PRICKLE4: variants seen among roughly 807,000 people sequenced by gnomAD.
The protein encoded by PRICKLE4 is prickle-like protein 4.
Under a neutral mutation model 43.5 loss-of-function variants are expected in PRICKLE4, and 40 were observed. That is an observed-to-expected ratio of 0.92 (90% CI 0.71 to 1.20). The LOEUF is 1.20. PRICKLE4 is among the 50% of genes most tolerant of loss of function. The pLI is 0.00. For missense variants in PRICKLE4, 527 were observed against 491.2 expected (o/e 1.07, Z -0.69); for synonymous variants, 208 against 197.4 (o/e 1.05, Z -0.45).
rs146046641 is a variant in PRICKLE4 at position 41,787,093 on chromosome 6, C to T, written c.1119C>T (p.Asp373=). Residue 373 remains aspartate (D), a synonymous_variant, in exon 8 of 8, where the codon GAC becomes GAT. Coordinates refer to ENST00000458694, the MANE Select transcript of PRICKLE4 (RefSeq NM_013397.6). ...WKTPGSLQAE[D]SNASKTHCTM... is the part of the protein sequence containing the mutation. ...CCCCCGGAAGCCTCCAAGCAGAGGA[C>T]AGCAACGCCTCTAAGACGCACTGCA... 6.2e-7 allele frequency: 1 copy of T among 1,611,152 alleles called. No individual in the cohort carries two copies. Among genetic ancestry groups the T allele is most frequent in the African/African-American group, 1.3e-5 (1 of 75,024 alleles).
chr6:41,786,581 G>A (rs890099577), intron 7 of PRICKLE4, 181 bp from the exon 8 acceptor site: 8 of 1,151,574 alleles, frequency 6.9e-6, no homozygotes, highest in South Asian at 5.5e-5. Flanking sequence ...CCTCCCAGGC[G>A]CGGGAGGCGG....
intron 5 of PRICKLE4, 60 bp downstream of exon 5, chr6:41,785,132 C>A: frequency 1.3e-6 from 2 of 1,597,282 alleles, no homozygotes; most frequent in Non-Finnish European, 1.7e-6. Context: ...CTCATTTCTG[C>A]AGAAGGGGCT....
intron 2 of PRICKLE4, 143 bp downstream of exon 2, chr6:41,781,663 C>A (rs12528644): frequency 0.23 from 35,244 of 152,544 alleles, 4,873 homozygotes; most frequent in Middle Eastern, 0.34. Context: ...CAGTACGAAT[C>A]CCTGGCCCAG....
At chr6:41,785,274 G>A (rs1772621810) in intron 5 of PRICKLE4, 63 bp from the exon 6 acceptor site, 2 of 1,566,246 alleles carry the variant, frequency 1.3e-6, no homozygotes, top group Non-Finnish European at 1.7e-6. Flanking sequence ...GATTGCAAGA[G>A]CAAGGAGGGA....
intron 4 of PRICKLE4, 133 bp downstream of exon 4, chr6:41,784,371 C>CAG: frequency 1.5e-6 from 1 of 686,308 alleles, no homozygotes; most frequent in East Asian, 2.9e-5. Flanking sequence ...GTTGGGGCGT[C>CAG]ATTCTCCCCC....
intron 3 of PRICKLE4, chr6:41,783,909 G>A (rs1200119463): frequency 8.4e-6 from 6 of 710,456 alleles, no homozygotes; most frequent in Non-Finnish European, 5.1e-6. Flanking sequence ...GCTGTTTTGG[G>A]GTGTGGGGCC....
intron 3 of PRICKLE4, 151 bp downstream of exon 3, chr6:41,783,756 T>A (rs1239173140): frequency 6.4e-6 from 7 of 1,087,730 alleles, no homozygotes; most frequent in Non-Finnish European, 9.7e-6. Context: ...CTGCACCTGC[T>A]TAGAACATGG....
In PRICKLE4 at chr6:41,784,135, C is replaced by G; in HGVS notation, c.137C>G (p.Pro46Arg). 2 of 1,612,804 alleles carry G rather than the reference C, an allele frequency of 1.2e-6. No individual in the cohort carries two copies. Among genetic ancestry groups the G allele is most frequent in the Non-Finnish European group, 1.7e-6 (2 of 1,179,136 alleles). Residue 46 changes from proline (P) to arginine (R), a missense_variant, in exon 4 of 8, where the codon CCT (proline) becomes CGT (arginine). Pro to Arg is a moderately radical substitution (Grantham distance 103, BLOSUM62 -2). Coordinates refer to ENST00000458694, the MANE Select transcript of PRICKLE4 (RefSeq NM_013397.6). The stretch of plus-strand genomic sequence containing the variant: ...CCTTCTTCCATGTCTCCTCAGGGTC[C>G]TGCAGTTCTGAGCTTGGGTTCCCTT... ...EDPEDTHAQG[P>R]AVLSLGSLCL...
intron 7 of PRICKLE4, 36 bp downstream of exon 7, chr6:41,786,368 C>T: frequency 6.5e-7 from 1 of 1,539,462 alleles, no homozygotes; most frequent in African/African-American, 1.4e-5. Context: ...CGGGAGGGAG[C>T]TTGGGCTGGG....
In PRICKLE4 at chr6:41,786,955, C is replaced by T; in HGVS notation, c.981C>T (p.Arg327=). The stretch of plus-strand genomic sequence containing the variant: ...CACCCAAAGGGCAGGAGCAATGCCG[C>T]CTGGAGACTATTCGTGATCCCAAGG... ...AEAPKGQEQC[R]LETIRDPKDT... Residue 327 remains arginine (R), a synonymous_variant, in exon 8 of 8, where the codon CGC becomes CGT. Transcript: ENST00000458694. 1 of 1,614,102 alleles carries T rather than the reference C, an allele frequency of 6.2e-7. No individual in the cohort carries two copies. The highest frequency in any genetic ancestry group is 8.5e-7 in the Non-Finnish European group (1 of 1,179,994).
rs1357722093 is a variant in PRICKLE4 at position 41,786,237 on chromosome 6, C to T, written c.692C>T (p.Pro231Leu). Residue 231 changes from proline (P) to leucine (L), a missense_variant, in exon 7 of 8, where the codon CCT becomes CTT. Pro to Leu is a moderately conservative substitution (Grantham distance 98, BLOSUM62 -3). Transcript: ENST00000458694. ...GPLGGGRYALPGGSPCCPSCF... is the reference protein window; with the variant it reads ...GPLGGGRYALLGGSPCCPSCF... ...CTGGGCGGGGGACGTTATGCCCTGC[C>T]TGGGGGAAGCCCCTGCTGCCCCAGC... 14 of 1,603,350 alleles carry T rather than the reference C, an allele frequency of 8.7e-6. No homozygotes were observed. In the South Asian group the frequency reaches 1.5e-4, roughly 18 times the overall value.
intron 3 of PRICKLE4, 86 bp downstream of exon 3, chr6:41,783,691 T>A (rs185915518): frequency 6.3e-7 from 1 of 1,585,572 alleles, no homozygotes. Context: ...CGGAGGTAGT[T>A]TGACTTCGTG....
At chr6:41,786,658 C>T in intron 7 of PRICKLE4, 104 bp from the exon 8 acceptor site, 1 of 1,569,732 alleles carries the variant, frequency 6.4e-7, no homozygotes, top group South Asian at 1.1e-5. Context: ...GCGCACGGCC[C>T]AGGGGCTGGG....
At chr6:41,786,379 C>T (rs1581979720) in intron 7 of PRICKLE4, 47 bp downstream of exon 7, 1 of 1,526,914 alleles carries the variant, frequency 6.5e-7, no homozygotes, top group Non-Finnish European at 8.8e-7. Flanking sequence ...TTGGGCTGGG[C>T]TGTGGGGGTT....
intron 5 of PRICKLE4, 23 bp from the exon 6 acceptor site, chr6:41,785,314 C>T: frequency 1.2e-6 from 2 of 1,611,584 alleles, no homozygotes; most frequent in Non-Finnish European, 1.7e-6. Context: ...ACTCCGACCA[C>T]CTCAGCACCT....
In PRICKLE4 at chr6:41,787,240, C is replaced by G; in HGVS notation, c.*111C>G. The G allele has an allele frequency of 2.1e-6, 3 of 1,423,836 alleles. No homozygotes were observed. Among genetic ancestry groups the G allele is most frequent in the Middle Eastern group, 2.3e-4 (1 of 4,420 alleles). The allele number at this position is 1,423,836 out of a possible 1,614,324, so 88.2% of individuals were successfully genotyped here. A position where few individuals can be genotyped will look rare whatever the true frequency, so the allele number is the denominator to read the frequency against. ...AGACTGAGACGCAGTCAGGCGCACG[C>G]CCGCAAGAGGCGGCGAGGTGACAAG... On this transcript the variant is annotated 3_prime_UTR_variant, in exon 8 of 8. Transcript: ENST00000458694.
At position 41,781,498 on chromosome 6, in the gene PRICKLE4, A is replaced by C. The variant is rs1051957041; in HGVS notation, c.-35A>C. On this transcript the variant is annotated 5_prime_UTR_variant, in exon 2 of 8. Coordinates refer to ENST00000458694, the MANE Select transcript of PRICKLE4 (RefSeq NM_013397.6). ...ACCTTCCACAGGAAACCTGACCTGA[A>C]GGACAGAAGAGGAAGGAAGCAGGTG... The C allele has an allele frequency of 3.3e-5, 5 of 152,818 alleles. No individual in the cohort carries two copies. Among genetic ancestry groups the C allele is most frequent in the African/African-American group, 9.7e-5 (4 of 41,446 alleles). The allele number at this position is 152,818 out of a possible 1,614,324, so 9.5% of individuals were successfully genotyped here.
In PRICKLE4 at chr6:41,784,941, T is replaced by C. The variant is rs1320146816; in HGVS notation, c.247T>C (p.Tyr83His). 3 of 1,614,022 alleles carry C rather than the reference T, an allele frequency of 1.9e-6. No individual in the cohort carries two copies. The highest frequency in any genetic ancestry group is 8.5e-7 in the Non-Finnish European group (1 of 1,179,978). Reference protein sequence around the residue: ...QLPPQDIDERYCLALGEEERA... With the variant: ...QLPPQDIDERHCLALGEEERA... Reference sequence around the variant, plus strand: ...TAGAGGACTGTTTCTGCAGGAGCGCTACTGCCTGGCCCTTGGGGAGGAGGA... The same window carrying C: ...TAGAGGACTGTTTCTGCAGGAGCGCCACTGCCTGGCCCTTGGGGAGGAGGA... The change falls in exon 5 of 8, where the codon TAC becomes CAC. Residue 83 changes from tyrosine to histidine, a missense_variant. By Grantham distance (83) the Tyr-to-His change is moderately conservative (BLOSUM62 2). Transcript: ENST00000458694.
intron 2 of PRICKLE4, among the ~76,000 whole-genome samples, chr6:41,781,886 G>T (rs188417214): frequency 5.9e-5 from 9 of 152,252 alleles, no homozygotes; most frequent in Non-Finnish European, 1.3e-4. Context: ...TAATATTCTA[G>T]AAGAGTCCTT....
Sources: gnomAD v4.1 joint callset for allele counts (sites outside exome capture counted in the v4.1 genomes callset) on GRCh38, gnomAD v4.1.1 for gene constraint, MANE v1.5 for transcripts, NCBI Gene and HGNC (gene_info 2026-07-23, HGNC 2026-07-21) for gene names.